Variants in EBF1 observed in about 807,000 individuals in gnomAD.
The protein encoded by EBF1 is EBF transcription factor 1, also known as transcription factor COE1.
Under a neutral mutation model 68.4 loss-of-function variants are expected in EBF1, and 10 were observed. That is an observed-to-expected ratio of 0.15 (90% CI 0.09 to 0.25). The LOEUF is 0.25. EBF1 is among the 10% of genes least tolerant of loss of function. EBF1 has a pLI of 1.00. For missense variants in EBF1, 509 were observed against 794.4 expected (o/e 0.64, Z 4.32); for synonymous variants, 298 against 299.8 (o/e 0.99, Z 0.06).
chr5:158,867,805 G>A (rs1796203778), intron 6 of EBF1, among the ~76,000 whole-genome samples: 1 of 152,082 alleles, frequency 6.6e-6, no homozygotes, highest in African/African-American at 2.4e-5. Flanking sequence ...ACATAAAAAG[G>A]AACAACATTT....
chr5:158,734,330 T>C (rs1175660958), intron 10 of EBF1, among the ~76,000 whole-genome samples: 3 of 152,172 alleles, frequency 2.0e-5, no homozygotes, highest in Admixed American at 6.5e-5. Context: ...GAGATGGAAT[T>C]TGACCTGCTT....
intron 6 of EBF1, among the ~76,000 whole-genome samples, chr5:159,018,009 G>C (rs138251483): frequency 6.6e-6 from 1 of 150,728 alleles, no homozygotes; most frequent in African/African-American, 2.5e-5. Context: ...TGTCTCCCCC[G>C]TCCCTGCCCC....
chr5:158,997,565 C>G (rs1412620594), intron 6 of EBF1, among the ~76,000 whole-genome samples: 1 of 152,188 alleles, frequency 6.6e-6, no homozygotes, highest in Admixed American at 6.5e-5. Context: ...CAACTGACTC[C>G]CTATAGCTCT....
intron 1 of EBF1, among the ~76,000 whole-genome samples, chr5:159,098,684 A>G (rs1286939140): frequency 6.6e-6 from 1 of 151,300 alleles, no homozygotes; most frequent in South Asian, 2.1e-4. Context: ...AAATGAAAGA[A>G]AGAAGAAAGA....
intron 10 of EBF1, among the ~76,000 whole-genome samples, chr5:158,776,801 C>A (rs980029888): frequency 6.6e-6 from 1 of 152,180 alleles, no homozygotes; most frequent in Non-Finnish European, 1.5e-5. Context: ...TTAGCGTACA[C>A]ATTGGGCACT....
At chr5:159,073,609 A>G in intron 5 of EBF1, 145 bp from the exon 6 acceptor site, 1 of 820,978 alleles carries the variant, frequency 1.2e-6, no homozygotes, top group Non-Finnish European at 2.0e-6. Context: ...CCTGGGACAG[A>G]TAATTCTATT....
chr5:158,805,684 T>C (rs1781455488), intron 8 of EBF1, among the ~76,000 whole-genome samples: 2 of 152,110 alleles, frequency 1.3e-5, no homozygotes, highest in South Asian at 4.1e-4. Flanking sequence ...TATTGAATTC[T>C]AGGAATCATT....
chr5:158,825,546 A>G (rs1356715413), intron 7 of EBF1, among the ~76,000 whole-genome samples: 1 of 151,740 alleles, frequency 6.6e-6, no homozygotes, highest in Non-Finnish European at 1.5e-5. Flanking sequence ...CAAGCTCTAC[A>G]AACTTAAGGC....
At chr5:158,799,240 C>A (rs371156726) in intron 8 of EBF1, among the ~76,000 whole-genome samples, 1 of 152,050 alleles carries the variant, frequency 6.6e-6, no homozygotes, top group East Asian at 1.9e-4. Flanking sequence ...CTGGCCCAGG[C>A]AACACAGTAA....
chr5:158,886,951 G>A (rs991407016), intron 6 of EBF1, among the ~76,000 whole-genome samples: 9 of 152,140 alleles, frequency 5.9e-5, no homozygotes, highest in African/African-American at 1.7e-4. Flanking sequence ...GCAATGAGCC[G>A]AGATCGTGCC....
intron 8 of EBF1, among the ~76,000 whole-genome samples, chr5:158,819,386 C>T (rs929139906): frequency 3.3e-5 from 5 of 152,186 alleles, no homozygotes; most frequent in East Asian, 1.9e-4. Flanking sequence ...AAAGTGTTAG[C>T]GCATGCAAGC....
In EBF1 at chr5:158,840,645, G is replaced by GTTTTTTTTTTTTTTTTTTTT. The variant is rs534374216; in HGVS notation, c.555-555_555-536dup. 2.9e-4 allele frequency among the ~76,000 whole-genome samples: 19 copies of GTTTTTTTTTTTTTTTTTTTT among 64,816 alleles called. 2 individuals carry two copies. Among genetic ancestry groups the GTTTTTTTTTTTTTTTTTTTT allele is most frequent in the Non-Finnish European group, 3.9e-4 (14 of 35,726 alleles). 42.5% of individuals were successfully genotyped at this position (64,816 alleles called of 152,430 possible). ...TCCTTTGACTTCTCAAATACCTCCTGTTTTTTTTTTTTTTTTTTTTTTTTT... is the reference window on the plus strand; with the variant it reads ...TCCTTTGACTTCTCAAATACCTCCTGTTTTTTTTTTTTTTTTTTTTTTTTTTTTTTTTTTTTTTTTTTTTT... On this transcript the variant is annotated intron_variant, in intron 6 of 15. Coordinates refer to ENST00000313708, the MANE Select transcript of EBF1 (RefSeq NM_024007.5).
At chr5:158,966,665 G>A (rs953895656) in intron 6 of EBF1, among the ~76,000 whole-genome samples, 2 of 152,076 alleles carry the variant, frequency 1.3e-5, no homozygotes, top group Non-Finnish European at 2.9e-5. Context: ...GGGCTTTATC[G>A]TAACTACCCT....
At chr5:158,809,325 T>G (rs1420105482) in intron 8 of EBF1, among the ~76,000 whole-genome samples, 2 of 152,170 alleles carry the variant, frequency 1.3e-5, no homozygotes, top group Non-Finnish European at 2.9e-5. Context: ...CTTGAGACTT[T>G]GAGAATCCAT....
At chr5:158,978,752 G>A (rs975441666) in intron 6 of EBF1, among the ~76,000 whole-genome samples, 1 of 150,972 alleles carries the variant, frequency 6.6e-6, no homozygotes, top group Non-Finnish European at 1.5e-5. Context: ...TTCTTTGGGG[G>A]TTTCTTGAAG....
At chr5:158,917,100 C>T (rs1807362357) in intron 6 of EBF1, among the ~76,000 whole-genome samples, 1 of 152,146 alleles carries the variant, frequency 6.6e-6, no homozygotes, top group Admixed American at 6.6e-5. Context: ...CCTGGGAGAT[C>T]TATAATAAAA....
chr5:158,740,683 A>G (rs960357949), intron 10 of EBF1, among the ~76,000 whole-genome samples: 2 of 152,250 alleles, frequency 1.3e-5, no homozygotes, highest in African/African-American at 4.8e-5. Context: ...AGTTTTTATC[A>G]GCCAAAGCTT....
chr5:159,080,418 C>A (rs188051351), intron 5 of EBF1, among the ~76,000 whole-genome samples: 1 of 152,320 alleles, frequency 6.6e-6, no homozygotes, highest in Non-Finnish European at 1.5e-5. Flanking sequence ...ACAAAGTCTT[C>A]CCTGGCTCTC....
intron 10 of EBF1, among the ~76,000 whole-genome samples, chr5:158,734,865 T>C (rs985860207): frequency 3.9e-4 from 59 of 152,152 alleles, no homozygotes; most frequent in African/African-American, 1.3e-3. Context: ...GTGGCCCTGC[T>C]TCCAAATACC....
Sources: allele counts gnomAD v4.1 joint callset (sites outside exome capture counted in the v4.1 genomes callset), GRCh38; gene constraint gnomAD v4.1.1; transcripts MANE v1.5; gene names NCBI Gene and HGNC (gene_info 2026-07-23, HGNC 2026-07-21).